The following ZC3H13 variants were observed in gnomAD, a reference collection of about 807,000 sequenced individuals.
The protein encoded by ZC3H13 is zinc finger CCCH domain-containing protein 13.
Under a neutral mutation model 204.1 loss-of-function variants are expected in ZC3H13, and 64 were observed. That is an observed-to-expected ratio of 0.31 (90% confidence interval 0.26 to 0.39). ZC3H13 has a LOEUF of 0.39. Ranked by LOEUF, ZC3H13 falls within the 10% of genes least tolerant of loss-of-function variation. The pLI, the probability that ZC3H13 is intolerant of heterozygous loss-of-function variation, is 1.00. For synonymous variants in ZC3H13, 667 were observed against 693.7 expected, an observed-to-expected ratio of 0.96 and a Z score of 0.60; for missense variants, 1,833 against 2,082.7, an observed-to-expected ratio of 0.88 and a Z score of 2.33.
chr13:46,023,640 A>C (rs1255630597), intron 4 of ZC3H13, among the ~76,000 whole-genome samples: 1 of 152,176 alleles, frequency 6.6e-6, no homozygotes, highest in Non-Finnish European at 1.5e-5. Flanking sequence ...GCAGAGAAAA[A>C]TGGAGCTTCA....
chr13:45,999,058 C>A (rs1013355579), intron 8 of ZC3H13, among the ~76,000 whole-genome samples: 1 of 152,106 alleles, frequency 6.6e-6, no homozygotes, highest in African/African-American at 2.4e-5. Flanking sequence ...GACAACATAG[C>A]GAGACCTCAT....
In ZC3H13 at chr13:45,955,876, G is replaced by A. The variant is rs897706811; in HGVS notation, c.*1251C>T. The A allele has an allele frequency of 1.3e-5, 2 of 150,240 alleles. No individual in the cohort carries two copies. Among genetic ancestry groups the A allele is most frequent in the Non-Finnish European group, 3.0e-5 (2 of 66,916 alleles). 9.3% of individuals were successfully genotyped at this position (150,240 alleles called of 1,614,324 possible). A position where few individuals can be genotyped will look rare whatever the true frequency, so the allele number is the denominator to read the frequency against. On this transcript the variant is annotated 3_prime_UTR_variant, in exon 19 of 19. Transcript: ENST00000679008. ...AGAAACTTTACACCACTGTCATTAT[G>A]TTACCTATAGAGACAAAACTACTAA...
chr13:46,029,710 G>C (rs568054134), intron 4 of ZC3H13, among the ~76,000 whole-genome samples: 1 of 151,830 alleles, frequency 6.6e-6, no homozygotes, highest in Non-Finnish European at 1.5e-5. Context: ...TTACAGGCGT[G>C]AGCCACCGCG....
In ZC3H13 at chr13:45,975,486, CTCT is replaced by C. The variant is rs770523449; in HGVS notation, c.2262_2264del (p.Glu755del). 3.9e-5 allele frequency: 63 copies of C among 1,612,986 alleles called. No individual in the cohort carries two copies. The highest frequency in any genetic ancestry group is 6.7e-5 in the Admixed American group (4 of 59,848). On this transcript the variant is annotated inframe_deletion, in exon 12 of 19. Transcript: ENST00000679008. ...GTTCTCGCTCTCTCTCCCTCTCTCT[CTCT>C]TCTCTTTCTCGTTCCCGTTCTTTTT...
intron 6 of ZC3H13, among the ~76,000 whole-genome samples, chr13:46,010,868 G>C (rs935846806): frequency 2.6e-5 from 4 of 151,634 alleles, no homozygotes; most frequent in Admixed American, 2.0e-4. Flanking sequence ...GGGTAATAGA[G>C]AAAGATCTCA....
chr13:46,038,257 A>G (rs920430342), intron 4 of ZC3H13, among the ~76,000 whole-genome samples: 1 of 152,130 alleles, frequency 6.6e-6, no homozygotes. Flanking sequence ...AACTCCTTAC[A>G]GTTCTTGTGT....
chr13:46,045,650 A>C, intron 1 of ZC3H13, 134 bp from the exon 2 acceptor site: 1 of 670,674 alleles, frequency 1.5e-6, no homozygotes, highest in Non-Finnish European at 2.6e-6. Flanking sequence ...AGATTAAAAA[A>C]AAAAAGCATA....
intron 5 of ZC3H13, among the ~76,000 whole-genome samples, chr13:46,018,857 T>A (rs1482141341): frequency 6.6e-6 from 1 of 152,038 alleles, no homozygotes; most frequent in Non-Finnish European, 1.5e-5. Context: ...TGCAAAAAAA[T>A]TAAAATGAAA....
At position 45,992,200 on chromosome 13, in the gene ZC3H13, T is replaced by C. The variant is rs2040015004; in HGVS notation, c.945-3103A>G. Among the ~76,000 whole-genome samples, 3 of 152,198 alleles carry C rather than the reference T, an allele frequency of 2.0e-5. No individual in the cohort carries two copies. The South Asian group carries it at 6.2e-4, about 32-fold the overall frequency. On this transcript the variant is annotated intron_variant, in intron 8 of 18. Coordinates refer to ENST00000679008, the MANE Select transcript of ZC3H13 (RefSeq NM_001330564.2). Reference sequence around the variant, plus strand: ...TACACATTTTGCAAGTAGAAATATTTAGGTTCTATTATTTTACATATGAAG... The same window carrying C: ...TACACATTTTGCAAGTAGAAATATTCAGGTTCTATTATTTTACATATGAAG...
At chr13:46,014,880 A>T (rs2041816608) in intron 5 of ZC3H13, among the ~76,000 whole-genome samples, 2 of 152,204 alleles carry the variant, frequency 1.3e-5, no homozygotes, top group Non-Finnish European at 2.9e-5. Context: ...GAGTTCAACT[A>T]TCTTCATTTT....
chr13:46,025,430 C>T (rs1382325792), intron 4 of ZC3H13, among the ~76,000 whole-genome samples: 1 of 152,058 alleles, frequency 6.6e-6, no homozygotes. Flanking sequence ...CCTCAGCCTC[C>T]CACAGCTGGA....
In ZC3H13 at chr13:45,963,902, C is replaced by A; in HGVS notation, c.4615G>T (p.Gly1539Cys). ...TTGACTTTGGCAAAGAGTTCAGAAC[C>A]TGCCAACTTTTTAGAAATCCCAACT... Reference protein sequence around the residue: ...LRVGISKKLAGSELFAKVKET... With the variant: ...LRVGISKKLACSELFAKVKET... Residue 1539 changes from glycine (G) to cysteine (C), a missense_variant, in exon 17 of 19, where the codon GGT becomes TGT. Physicochemically the swap from Gly to Cys is radical, Grantham distance 159. Transcript: ENST00000679008. 1 of 1,614,072 alleles carries A rather than the reference C, an allele frequency of 6.2e-7. No individual in the cohort carries two copies. The highest frequency in any genetic ancestry group is 1.7e-5 in the Admixed American group (1 of 60,020).
chr13:45,997,392 AT>A (rs1566240781), intron 8 of ZC3H13, among the ~76,000 whole-genome samples: 1 of 152,112 alleles, frequency 6.6e-6, no homozygotes, highest in Non-Finnish European at 1.5e-5. Flanking sequence ...TAATTCTAAC[AT>A]TTTTTTGGAG....
At chr13:46,015,369 A>G (rs1295008407) in intron 5 of ZC3H13, among the ~76,000 whole-genome samples, 2 of 152,126 alleles carry the variant, frequency 1.3e-5, no homozygotes, top group Non-Finnish European at 2.9e-5. Context: ...GAAACTCATT[A>G]TATGTCTATA....
At chr13:45,982,258 C>T (rs1953705864) in intron 10 of ZC3H13, among the ~76,000 whole-genome samples, 1 of 151,352 alleles carries the variant, frequency 6.6e-6, no homozygotes, top group South Asian at 2.1e-4. Context: ...TAATTAAAGA[C>T]CAGGAAGAAA....
rs1951287696 is a variant in ZC3H13, at chr13:45,956,579, G to A, written c.*548C>T. On this transcript the variant is annotated 3_prime_UTR_variant, in exon 19 of 19. Transcript: ENST00000679008. The stretch of plus-strand genomic sequence containing the variant: ...CATATTAATTAAAAAAAAGACCCAT[G>A]AAATAATTTTTAAAAAACTTTCAAA... 1 of 152,100 alleles carries A rather than the reference G, an allele frequency of 6.6e-6. No individual in the cohort carries two copies. Among genetic ancestry groups the A allele is most frequent in the African/African-American group, 2.4e-5 (1 of 41,442 alleles). The allele number at this position is 152,100 out of a possible 1,614,324, so 9.4% of individuals were successfully genotyped here.
intron 17 of ZC3H13, chr13:45,962,522 A>C (rs1699865585): frequency 5.1e-6 from 5 of 984,306 alleles, no homozygotes; most frequent in Non-Finnish European, 6.0e-6. Context: ...GAACCAACCA[A>C]ACAAGGCAGA....
chr13:45,968,060 T>C (rs1952244000), intron 14 of ZC3H13, 32 bp from the exon 15 acceptor site: 1 of 1,519,842 alleles, frequency 6.6e-7, no homozygotes, highest in East Asian at 2.3e-5. Context: ...TAAAGAGTTA[T>C]TAGCACATGA....
intron 10 of ZC3H13, among the ~76,000 whole-genome samples, chr13:45,983,413 ATTTTT>A (rs1555277661): frequency 3.9e-4 from 12 of 31,130 alleles, no homozygotes; most frequent in African/African-American, 2.4e-3. Flanking sequence ...ATATATATAT[ATTTTT>A]TTTTTTTTTT....
Sources: gnomAD v4.1 joint callset for allele counts (sites outside exome capture counted in the v4.1 genomes callset) on GRCh38, gnomAD v4.1.1 for gene constraint, MANE v1.5 for transcripts, NCBI Gene and HGNC (gene_info 2026-07-23, HGNC 2026-07-21) for gene names.